Variants in ERC1 observed in about 807,000 individuals in gnomAD.
The protein encoded by ERC1 is RAB6 interacting protein 2.
Under a neutral mutation model 132.0 loss-of-function variants are expected in ERC1, and 56 were observed. The ratio of observed to expected loss-of-function variants is 0.42; its 90% CI spans 0.34 to 0.53. The LOEUF (loss-of-function observed/expected upper bound fraction) is 0.53. Ranked by LOEUF, ERC1 falls within the 20% of genes least tolerant of loss-of-function variation. ERC1 has a pLI of 0.03. For synonymous variants in ERC1, 478 were observed against 476.1 expected (o/e 1.00, Z -0.05); for missense variants, 1,202 against 1,349.9 (o/e 0.89, Z 1.72).
intron 8 of ERC1, among the ~76,000 whole-genome samples, chr12:1,147,852 A>G (rs1000619421): frequency 6.6e-6 from 1 of 152,176 alleles, no homozygotes; most frequent in Non-Finnish European, 1.5e-5. Context: ...GGCTGATTAT[A>G]CCCAAAATGT....
At position 1,444,562 on chromosome 12, in the gene ERC1, A is replaced by C; in HGVS notation, c.3025A>C (p.Ile1009Leu). The C allele has an allele frequency of 6.3e-7, 1 of 1,595,222 alleles. No individual in the cohort carries two copies. Among genetic ancestry groups the C allele is most frequent in the Non-Finnish European group, 8.5e-7 (1 of 1,171,362 alleles). Residue 1009 changes from isoleucine to leucine, a missense_variant and splice_region_variant, in exon 18 of 19, where the codon ATC becomes CTC. Transcript: ENST00000360905. ...ATTTTATTTTATTTTTTTGCCTTAG[A>C]TCATCCAGCCCCTCTTAGAACTTGA... Reference protein sequence around the residue: ...QTNHKPSPDQIIQPLLELDQN... With the variant: ...QTNHKPSPDQLIQPLLELDQN...
chr12:1,168,523 C>T (rs542019011), intron 8 of ERC1, among the ~76,000 whole-genome samples: 7 of 113,140 alleles, frequency 6.2e-5, no homozygotes, highest in Admixed American at 3.6e-4. Flanking sequence ...TTGCTTTTGT[C>T]GCCTAGGCTG....
At chr12:1,323,062 T>C (rs1410966150) in intron 15 of ERC1, among the ~76,000 whole-genome samples, 1 of 152,202 alleles carries the variant, frequency 6.6e-6, no homozygotes. Flanking sequence ...GGAAAAATTA[T>C]GTTGTAATCT....
chr12:1,145,594 A>G (rs1312165408), intron 8 of ERC1, among the ~76,000 whole-genome samples: 2 of 151,930 alleles, frequency 1.3e-5, no homozygotes, highest in South Asian at 2.1e-4. Context: ...AGTCTCATCT[A>G]TTTATCTTTT....
At chr12:1,188,509 G>A (rs1955362825) in intron 11 of ERC1, among the ~76,000 whole-genome samples, 1 of 152,208 alleles carries the variant, frequency 6.6e-6, no homozygotes, top group Non-Finnish European at 1.5e-5. Flanking sequence ...GTGCAGAACA[G>A]TGCTCTCATC....
chr12:1,484,691 C>T (rs2094172748), intron 18 of ERC1, among the ~76,000 whole-genome samples: 1 of 151,500 alleles, frequency 6.6e-6, no homozygotes, highest in Non-Finnish European at 1.5e-5. Context: ...AATTCTCCTG[C>T]CTCAGCCTCC....
rs148224838 is a variant in ERC1, at chr12:1,295,465, ACC to A, written c.2780+5454_2780+5455del. Reference sequence around the variant, plus strand: ...CACTGAATGAGACTGCCCAAGGCTTACCAGAGATTAGATGCTACAGAATGAGA... The same window carrying A: ...CACTGAATGAGACTGCCCAAGGCTTAAGAGATTAGATGCTACAGAATGAGA... On this transcript the variant is annotated intron_variant, in intron 15 of 18. Transcript: ENST00000360905. Among the ~76,000 whole-genome samples the A allele has an allele frequency of 1.9e-3, 294 of 152,314 alleles. 2 individuals are homozygous for A. The highest frequency in any genetic ancestry group is 6.8e-3 in the African/African-American group (283 of 41,564).
intron 18 of ERC1, among the ~76,000 whole-genome samples, chr12:1,489,312 A>AG (rs1239577780): frequency 2.0e-5 from 3 of 152,178 alleles, no homozygotes; most frequent in Non-Finnish European, 2.9e-5. Flanking sequence ...CCTCTTTAGT[A>AG]GCATTTCCTC....
At chr12:1,027,098 C>T (rs1419057133) in intron 1 of ERC1, among the ~76,000 whole-genome samples, 1 of 152,120 alleles carries the variant, frequency 6.6e-6, no homozygotes, top group Non-Finnish European at 1.5e-5. Context: ...CCCCAAAATT[C>T]TTGCACATTT....
chr12:1,195,502 T>C (rs999869525), intron 12 of ERC1, among the ~76,000 whole-genome samples: 4 of 152,326 alleles, frequency 2.6e-5, no homozygotes, highest in East Asian at 1.9e-4. Flanking sequence ...TAGTTTCGCA[T>C]TGAGCACATA....
chr12:1,360,801 G>A (rs2086017212), intron 15 of ERC1, among the ~76,000 whole-genome samples: 1 of 151,964 alleles, frequency 6.6e-6, no homozygotes, highest in African/African-American at 2.4e-5. Context: ...GGAAATACAG[G>A]GCTGGGTACA....
At chr12:1,151,164 G>C (rs1325516786) in intron 8 of ERC1, among the ~76,000 whole-genome samples, 1 of 152,176 alleles carries the variant, frequency 6.6e-6, no homozygotes, top group Non-Finnish European at 1.5e-5. Context: ...GAATAATAAA[G>C]TAACAGTGAT....
intron 13 of ERC1, among the ~76,000 whole-genome samples, chr12:1,244,072 GGTGA>G (rs2154308584): frequency 6.6e-6 from 1 of 152,200 alleles, no homozygotes; most frequent in East Asian, 1.9e-4. Flanking sequence ...GGAGAGTTGT[GGTGA>G]GTGAGTAATT....
chr12:1,384,904 G>C (rs2089147166), intron 16 of ERC1, among the ~76,000 whole-genome samples: 1 of 152,066 alleles, frequency 6.6e-6, no homozygotes, highest in African/African-American at 2.4e-5. Context: ...TAAAATTATG[G>C]GTTCTCAGAA....
At chr12:1,033,329 C>T (rs1026408970) in intron 2 of ERC1, among the ~76,000 whole-genome samples, 2 of 152,148 alleles carry the variant, frequency 1.3e-5, no homozygotes, top group Non-Finnish European at 2.9e-5. Context: ...AGCCACCGTG[C>T]CTGGCCAATT....
rs143449350 is a variant in ERC1 at position 1,325,022 on chromosome 12, A to T, written c.2780+35010A>T. Among the ~76,000 whole-genome samples the T allele has an allele frequency of 3.3e-4, 50 of 152,272 alleles. No homozygotes were observed. In the East Asian group the frequency reaches 8.9e-3, roughly 27 times the overall value. On this transcript the variant is annotated intron_variant, in intron 15 of 18. Coordinates refer to ENST00000360905, the MANE Select transcript of ERC1 (RefSeq NM_178040.4). ...AACATAGAATATTAGTGAGTTTTTA[A>T]AGTCTCTGAACTTTAAAAATAATCA...
chr12:1,049,582 T>C (rs1482017430), intron 2 of ERC1, among the ~76,000 whole-genome samples: 1 of 152,072 alleles, frequency 6.6e-6, no homozygotes, highest in Non-Finnish European at 1.5e-5. Context: ...GAGTTGGTAG[T>C]GTGAACTGAA....
intron 3 of ERC1, among the ~76,000 whole-genome samples, chr12:1,091,102 T>G (rs1364013546): frequency 2.6e-5 from 4 of 152,298 alleles, no homozygotes; most frequent in Non-Finnish European, 5.9e-5. Flanking sequence ...TTGGCCAGGC[T>G]GGTCTCAAAC....
intron 18 of ERC1, among the ~76,000 whole-genome samples, chr12:1,464,002 C>T (rs562941135): frequency 6.6e-5 from 10 of 152,140 alleles, no homozygotes; most frequent in African/African-American, 2.4e-4. Context: ...AGAATGGCTG[C>T]CCTGCTTCTG....
Sources: allele counts gnomAD v4.1 joint callset (sites outside exome capture counted in the v4.1 genomes callset), GRCh38; gene constraint gnomAD v4.1.1; transcripts MANE v1.5; gene names NCBI Gene and HGNC (gene_info 2026-07-23, HGNC 2026-07-21).